Variants in UBE2Q1 observed in about 807,000 individuals in gnomAD.
UBE2Q1 encodes the protein ubiquitin conjugating enzyme E2 Q1.
A neutral mutation model predicts 60.1 loss-of-function variants in UBE2Q1; 6 were observed. The observed-to-expected ratio is 0.10, with a 90% confidence interval of 0.05 to 0.20. UBE2Q1 has a LOEUF of 0.20. Among genes scored for constraint, UBE2Q1 ranks in the 10% least tolerant of loss-of-function variants. The pLI is 1.00. For synonymous variants in UBE2Q1, 226 were observed against 208.3 expected, an observed-to-expected ratio of 1.09 and a Z score of -0.73; for missense variants, 262 against 525.8, an observed-to-expected ratio of 0.50 and a Z score of 4.91.
intron 6 of UBE2Q1, 73 bp from the exon 7 acceptor site, chr1:154,552,537 C>G (rs1232811756): frequency 6.4e-7 from 1 of 1,564,976 alleles, no homozygotes. Context: ...AGACCCCTTT[C>G]CCAGACTGAG....
intron 4 of UBE2Q1, 72 bp from the exon 5 acceptor site, chr1:154,553,244 C>T (rs1695823487): frequency 1.9e-6 from 3 of 1,545,088 alleles, no homozygotes; most frequent in East Asian, 2.3e-5. Flanking sequence ...TGACCATCAC[C>T]TTCCCAGTCC....
chr1:154,557,045 GA>G (rs1336498060), intron 1 of UBE2Q1, among the ~76,000 whole-genome samples: 2 of 152,126 alleles, frequency 1.3e-5, no homozygotes, highest in Admixed American at 6.5e-5. Flanking sequence ...TTTCTAGCAG[GA>G]AAAAAGAAAG....
In UBE2Q1 at chr1:154,558,614, TCCGCCG is replaced by T. The variant is rs368389808; in HGVS notation, c.-67_-62del. ...GGAGCCTCCGGCCTGCGCTCCGGGC[TCCGCCG>T]CCGCCGCCGCCGCCGCCGCCGCCGC... On this transcript the variant is annotated 5_prime_UTR_variant, in exon 1 of 13. Transcript: ENST00000292211. 30,593 of 754,418 alleles carry T rather than the reference TCCGCCG, an allele frequency of 0.041. 2 individuals are homozygous for T. The highest frequency in any genetic ancestry group is 0.045 in the Non-Finnish European group (27,988 of 622,878). 46.7% of individuals were successfully genotyped at this position (754,418 alleles called of 1,614,324 possible).
chr1:154,553,194 A>C (rs1246661055), intron 4 of UBE2Q1, 22 bp from the exon 5 acceptor site: 1 of 1,598,864 alleles, frequency 6.3e-7, no homozygotes, highest in Admixed American at 1.8e-5. Flanking sequence ...GTGGGGTGGG[A>C]GTGAAAAGAA....
intron 2 of UBE2Q1, 84 bp from the exon 3 acceptor site, chr1:154,555,616 C>G: frequency 7.7e-7 from 1 of 1,302,440 alleles, no homozygotes; most frequent in Non-Finnish European, 1.1e-6. Context: ...AGTTTGGGCC[C>G]CACACCAATA....
intron 12 of UBE2Q1, 23 bp downstream of exon 12, chr1:154,550,915 C>G (rs1229676629): frequency 1.2e-6 from 2 of 1,614,110 alleles, no homozygotes; most frequent in South Asian, 2.2e-5. Flanking sequence ...TCCGAATCTC[C>G]TGAGTCCTGG....
At chr1:154,550,603 G>GT in intron 12 of UBE2Q1, 134 bp from the exon 13 acceptor site, 1 of 1,524,562 alleles carries the variant, frequency 6.6e-7, no homozygotes, top group Non-Finnish European at 8.8e-7. Flanking sequence ...GGGGAGAGGT[G>GT]TATGGGAAGC....
At chr1:154,551,359 C>T (rs1429465373) in intron 11 of UBE2Q1, 38 bp downstream of exon 11, 3 of 1,605,084 alleles carry the variant, frequency 1.9e-6, no homozygotes, top group Non-Finnish European at 2.6e-6. Flanking sequence ...GTACTTGGCT[C>T]CACCCAGCCC....
At chr1:154,552,895 T>G (rs1247006483) in intron 5 of UBE2Q1, 75 bp from the exon 6 acceptor site, 5 of 1,594,158 alleles carry the variant, frequency 3.1e-6, no homozygotes, top group Non-Finnish European at 4.3e-6. Context: ...AGGGGCAGTC[T>G]GGCAGCTTGC....
At chr1:154,555,046 A>C in intron 3 of UBE2Q1, 1 of 534,114 alleles carries the variant, frequency 1.9e-6, no homozygotes, top group Non-Finnish European at 3.3e-6. Flanking sequence ...CCTAAATCCT[A>C]GTTTAATTCT....
Position 154,548,687 on chromosome 1 carries a change from A to C in UBE2Q1, c.*1751T>G, listed in dbSNP as rs1695740863. On this transcript the variant is annotated 3_prime_UTR_variant, in exon 13 of 13. Transcript: ENST00000292211. ...ACACATTACTAAAAACACAATCTAC[A>C]TTCCAGCCAGGGCTGGTGGTAAGTT... 6.5e-6 allele frequency: 1 copy of C among 152,696 alleles called. No homozygotes were observed. Among genetic ancestry groups the C allele is most frequent in the Non-Finnish European group, 1.5e-5 (1 of 68,056 alleles). The allele number at this position is 152,696 out of a possible 1,614,324, so 9.5% of individuals were successfully genotyped here. A position where few individuals can be genotyped will look rare whatever the true frequency, so the allele number is the denominator to read the frequency against.
chr1:154,552,658 G>A, intron 6 of UBE2Q1, 78 bp downstream of exon 6: 2 of 1,544,000 alleles, frequency 1.3e-6, no homozygotes, highest in Non-Finnish European at 1.8e-6. Flanking sequence ...CTGGACCCCA[G>A]AACCTCTTGG....
intron 4 of UBE2Q1, among the ~76,000 whole-genome samples, chr1:154,553,448 T>C (rs1308938754): frequency 6.6e-6 from 1 of 152,206 alleles, no homozygotes; most frequent in Non-Finnish European, 1.5e-5. Flanking sequence ...CTTAGCCCTC[T>C]TGTTTCCTGG....
chr1:154,556,598 T>C (rs780103403), intron 1 of UBE2Q1, among the ~76,000 whole-genome samples: 5 of 152,196 alleles, frequency 3.3e-5, no homozygotes, highest in Non-Finnish European at 7.3e-5. Flanking sequence ...GGGCTCCACA[T>C]GGCAGGCTGG....
rs1274144160 is a variant in UBE2Q1, at chr1:154,555,446, T to C, written c.519A>G (p.Gln173=). The C allele has an allele frequency of 5.6e-6, 9 of 1,613,814 alleles. No homozygotes were observed. In the East Asian group the frequency reaches 1.1e-4, roughly 20 times the overall value. Reference sequence around the variant, plus strand: ...TGCTCACCTGCTCTGCTGGCAAGGGTTGATCCAGCATCTCCACATCTGGAT... The same window carrying C: ...TGCTCACCTGCTCTGCTGGCAAGGGCTGATCCAGCATCTCCACATCTGGAT... ...PQHPDVEMLD[Q]PLPAEQCTQE... is the part of the protein sequence containing the mutation. The change falls in exon 3 of 13, where the codon CAA becomes CAG. Residue 173 remains glutamine (Q), a synonymous_variant. Transcript: ENST00000292211.
In UBE2Q1 at chr1:154,552,075, GGAAAA is replaced by G. The variant is rs1695798991; in HGVS notation, c.966+13_966+17del. ...GCAGCCTAGGCCAGAGGGAGAGACT[GGAAAA>G]GAAAAGTCTTACTTTAAAGGAAAAG... On this transcript the variant is annotated intron_variant, in intron 8 of 12. Coordinates refer to ENST00000292211, the MANE Select transcript of UBE2Q1 (RefSeq NM_017582.7). The G allele has an allele frequency of 1.9e-6, 3 of 1,614,142 alleles. No homozygotes were observed. The highest frequency in any genetic ancestry group is 1.3e-5 in the African/African-American group (1 of 75,052).
Position 154,558,647 on chromosome 1 carries a change from G to GCCGC in UBE2Q1, c.-95_-94insGCGG. On this transcript the variant is annotated 5_prime_UTR_variant, in exon 1 of 13. Transcript: ENST00000292211. ...CGCCGCCGCCGCCGCCGCCGCCGCC[G>GCCGC]CGGTCCGCACTTCCTGATCCCCCCT... The GCCGC allele has an allele frequency of 1.0e-5, 10 of 970,100 alleles. No homozygotes were observed. The highest frequency in any genetic ancestry group is 1.2e-5 in the Non-Finnish European group (10 of 817,060). The allele number at this position is 970,100 out of a possible 1,614,324, so 60.1% of individuals were successfully genotyped here.
intron 3 of UBE2Q1, chr1:154,555,040 A>C (rs1695858944): frequency 1.9e-6 from 1 of 534,538 alleles, no homozygotes; most frequent in Admixed American, 3.3e-5. Context: ...CCACCTCCTA[A>C]ATCCTAGTTT....
Position 154,551,767 on chromosome 1 carries a change from T to C in UBE2Q1, c.1074+4A>G, listed in dbSNP as rs1695794336. On this transcript the variant is annotated splice_donor_region_variant and intron_variant, in intron 10 of 12. Coordinates refer to ENST00000292211, the MANE Select transcript of UBE2Q1 (RefSeq NM_017582.7). ...GCCTGGCCAAGGAGGAGAGACAGGC[T>C]CACCTGTTTGGTGAGAAGTTCCATG... 1 of 1,614,064 alleles carries C rather than the reference T, an allele frequency of 6.2e-7. No individual in the cohort carries two copies. Among genetic ancestry groups the C allele is most frequent in the Non-Finnish European group, 8.5e-7 (1 of 1,179,996 alleles).
Sources: gnomAD v4.1 joint callset for allele counts (sites outside exome capture counted in the v4.1 genomes callset) on GRCh38, gnomAD v4.1.1 for gene constraint, MANE v1.5 for transcripts, NCBI Gene and HGNC (gene_info 2026-07-23, HGNC 2026-07-21) for gene names.